EMC3: variants seen among roughly 807,000 people sequenced by gnomAD.
EMC3 encodes the protein 30 kDa protein.
In EMC3, 13 loss-of-function variants were observed where a neutral mutation model predicts 36.6. The observed-to-expected ratio is 0.35, with a 90% CI of 0.23 to 0.56. EMC3 has a LOEUF of 0.56. EMC3 is among the 20% of genes least tolerant of loss of function. EMC3 has a pLI of 0.84. For missense variants in EMC3, 220 were observed against 324.5 expected (o/e 0.68, Z 2.47); for synonymous variants, 120 against 111.9 (o/e 1.07, Z -0.46).
intron 1 of EMC3, chr3:10,006,674 A>C (rs1315900283): frequency 5.1e-6 from 1 of 195,224 alleles, no homozygotes; most frequent in Non-Finnish European, 1.1e-5. Flanking sequence ...TGTCAGTTAA[A>C]GGACCAAAGT....
chr3:9,988,815 T>C, upstream of EMC3: 1 of 1,001,506 alleles, frequency 1.0e-6, no homozygotes, highest in Non-Finnish European at 1.5e-6. Flanking sequence ...CTAGCTTGCC[T>C]TCCCACTGTC....
At chr3:10,006,494 T>C (rs1361061194) in intron 1 of EMC3, 1 of 153,678 alleles carries the variant, frequency 6.5e-6, no homozygotes, top group African/African-American at 2.4e-5. Context: ...TGGGGTACAA[T>C]GTGGAATGAG....
upstream of EMC3, among the ~76,000 whole-genome samples, chr3:9,990,475 C>T (rs376060380): frequency 7.2e-5 from 11 of 151,952 alleles, 1 homozygote; most frequent in East Asian, 9.7e-4. Flanking sequence ...GCTGGGACTA[C>T]AGGCAAGCAC....
chr3:9,965,622 T>C (rs2085730321), intron 7 of EMC3, among the ~76,000 whole-genome samples: 1 of 152,132 alleles, frequency 6.6e-6, no homozygotes, highest in Non-Finnish European at 1.5e-5. Context: ...CAGAACACTT[T>C]TATCATAACA....
upstream of EMC3, among the ~76,000 whole-genome samples, chr3:9,990,907 C>T (rs2086042716): frequency 6.6e-6 from 1 of 152,000 alleles, no homozygotes; most frequent in Non-Finnish European, 1.5e-5. Context: ...CGGCTCACTG[C>T]AAGCTCCGCC....
intron 7 of EMC3, among the ~76,000 whole-genome samples, chr3:9,965,669 T>C (rs1174371695): frequency 2.6e-5 from 4 of 152,176 alleles, no homozygotes; most frequent in Non-Finnish European, 5.9e-5. Flanking sequence ...ACAGCTCCCA[T>C]TATTCACCTC....
chr3:9,969,422 T>C, intron 7 of EMC3: 1 of 1,276,872 alleles, frequency 7.8e-7, no homozygotes, highest in South Asian at 1.6e-5. Context: ...TTCAAAAAGG[T>C]TCAAATTATT....
At chr3:9,986,041 C>A (rs967930832) in intron 1 of EMC3, among the ~76,000 whole-genome samples, 12 of 152,194 alleles carry the variant, frequency 7.9e-5, no homozygotes, top group Non-Finnish European at 1.5e-4. Context: ...TGGTACTTGG[C>A]ATCTCAGCTG....
rs369804427 is a variant in EMC3 at position 9,975,773 on chromosome 3, C to T, written c.307+1184G>A. 6.9e-5 allele frequency among the ~76,000 whole-genome samples: 10 copies of T among 145,496 alleles called. 1 individual carries two copies. Among genetic ancestry groups the T allele is most frequent in the South Asian group, 2.1e-4 (1 of 4,666 alleles). ...CCTGCAGTGAGCCGAGATCGCACCA[C>T]TGCACTCCAGCCTGGGTGAGAGAGC... On this transcript the variant is annotated intron_variant, in intron 3 of 7. Coordinates refer to ENST00000245046, the MANE Select transcript of EMC3 (RefSeq NM_001394674.1).
Position 9,963,477 on chromosome 3 carries a change from A to ATATATATATATATATATTTTTTTTTTTT in EMC3, c.*591_*592insAAAAAAAAAAAATATATATATATATATA, listed in dbSNP as rs61596273. On this transcript the variant is annotated 3_prime_UTR_variant, in exon 8 of 8. Coordinates refer to ENST00000245046, the MANE Select transcript of EMC3 (RefSeq NM_001394674.1). Reference sequence around the variant, plus strand: ...TAGATATATATATATATATATATATATTTTTTTTTTTTTTTCAGATGGAGT... The same window carrying ATATATATATATATATATTTTTTTTTTTT: ...TAGATATATATATATATATATATATATATATATATATATATATTTTTTTTTTTTTTTTTTTTTTTTTTTCAGATGGAGT... The ATATATATATATATATATTTTTTTTTTTT allele has an allele frequency of 1.1e-5, 1 of 88,922 alleles. No individual in the cohort carries two copies. Among genetic ancestry groups the ATATATATATATATATATTTTTTTTTTTT allele is most frequent in the African/African-American group, 4.7e-5 (1 of 21,324 alleles). 5.5% of individuals were successfully genotyped at this position (88,922 alleles called of 1,614,324 possible).
intron 1 of EMC3, among the ~76,000 whole-genome samples, chr3:9,982,154 T>C (rs1023171632): frequency 6.6e-6 from 1 of 152,132 alleles, no homozygotes; most frequent in African/African-American, 2.4e-5. Context: ...TTCGCCATGC[T>C]GGCCAGCCTT....
At chr3:9,986,949 C>T, upstream of EMC3, 3 of 1,194,530 alleles carry the variant, frequency 2.5e-6, no homozygotes, top group South Asian at 6.1e-5. Flanking sequence ...GGCTCGGTGG[C>T]TCACTCCTGG....
chr3:9,973,909 T>C (rs950103728), intron 4 of EMC3, among the ~76,000 whole-genome samples, 200 bp from the exon 5 acceptor site: 2 of 152,198 alleles, frequency 1.3e-5, no homozygotes, highest in Non-Finnish European at 2.9e-5. Flanking sequence ...TATCTGCCTC[T>C]AGCTTACTGA....
At chr3:9,969,421 G>A (rs1412040111) in intron 7 of EMC3, 1 of 1,276,914 alleles carries the variant, frequency 7.8e-7, no homozygotes, top group East Asian at 4.0e-5. Context: ...GTTCAAAAAG[G>A]TTCAAATTAT....
At chr3:9,969,938 T>A (rs1045130595) in intron 6 of EMC3, 137 bp from the exon 7 acceptor site, 1 of 1,400,216 alleles carries the variant, frequency 7.1e-7, no homozygotes, top group African/African-American at 1.4e-5. Context: ...ACTGGCTATG[T>A]GACTCTAGGA....
intron 1 of EMC3, among the ~76,000 whole-genome samples, chr3:9,984,080 CTTT>C (rs767592107): frequency 7.0e-6 from 1 of 143,728 alleles, no homozygotes; most frequent in African/African-American, 2.5e-5. Flanking sequence ...GGTAAATACA[CTTT>C]TTTTTTTTTT....
rs2086303805 is a variant in EMC3, at chr3:10,009,762, C to T, written c.-242+1261G>A. ...AAGGAAGGGGCGGGTCAGCCCACGC[C>T]CCCTGTCTGGCTGCAGACGACAACC... On this transcript the variant is annotated intron_variant, in intron 1 of 8. Coordinates refer to the EMC3 transcript ENST00000470827. The T allele has an allele frequency of 2.6e-5, 4 of 152,414 alleles. 1 individual carries two copies. In the South Asian group the frequency reaches 8.3e-4, roughly 32 times the overall value. The allele number at this position is 152,414 out of a possible 1,614,324, so 9.4% of individuals were successfully genotyped here.
intron 1 of EMC3, chr3:10,007,350 TGA>T: frequency 1.5e-6 from 2 of 1,347,848 alleles, no homozygotes; most frequent in African/African-American, 1.5e-5. Flanking sequence ...TCAATCATGC[TGA>T]GAGGTCCCCA....
intron 1 of EMC3, chr3:9,994,197 G>C (rs1477421041): frequency 6.3e-7 from 1 of 1,584,978 alleles, no homozygotes; most frequent in Non-Finnish European, 8.6e-7. Context: ...GGTTCTTAAG[G>C]ATATGTGTTC....
Sources: gnomAD v4.1 joint callset for allele counts (sites outside exome capture counted in the v4.1 genomes callset) on GRCh38, gnomAD v4.1.1 for gene constraint, MANE v1.5 for transcripts, NCBI Gene and HGNC (gene_info 2026-07-23, HGNC 2026-07-21) for gene names.